NRG4: variants seen among roughly 807,000 people sequenced by gnomAD.
The protein encoded by NRG4 is neuregulin 4.
Under a neutral mutation model 15.0 loss-of-function variants are expected in NRG4, and 10 were observed. That is an observed-to-expected ratio of 0.67 (90% CI 0.41 to 1.13). NRG4 has a LOEUF of 1.13. Ranked by LOEUF, NRG4 falls within the 50% of genes most tolerant of loss-of-function variation. The pLI is 0.00. For synonymous variants in NRG4, 41 were observed against 50.1 expected (o/e 0.82, Z 0.77); for missense variants, 139 against 140.2 (o/e 0.99, Z 0.04).
In NRG4 at chr15:76,023,183, C is replaced by CACACACACACACAA. The variant is rs67858639; in HGVS notation, c.-56-11898_-56-11897insTTGTGTGTGTGTGT. 3.8e-3 allele frequency among the ~76,000 whole-genome samples: 426 copies of CACACACACACACAA among 112,472 alleles called. 1 individual carries two copies. Among genetic ancestry groups the CACACACACACACAA allele is most frequent in the Non-Finnish European group, 6.3e-3 (311 of 49,408 alleles). The allele number at this position is 112,472 out of a possible 152,430, so 73.8% of individuals were successfully genotyped here. On this transcript the variant is annotated intron_variant, in intron 5 of 8. Transcript: ENST00000563910. The stretch of plus-strand genomic sequence containing the variant: ...ACACACACACACACACACACACACA[C>CACACACACACACAA]AAGCAAGGACCAAGGCAATGAATAA...
At position 75,966,844 on chromosome 15, in the gene NRG4, C is replaced by T. The variant is rs568175908; in HGVS notation, c.105-4870G>A. 3.2e-4 allele frequency among the ~76,000 whole-genome samples: 49 copies of T among 152,198 alleles called. No individual in the cohort carries two copies. In the South Asian group the frequency reaches 8.7e-3, roughly 27 times the overall value. ...ATCCCTTTAATAAGTCAGCTGGGCGCGGTGGCTCACACCTGTAATTCCAGC... is the reference window on the plus strand; with the variant it reads ...ATCCCTTTAATAAGTCAGCTGGGCGTGGTGGCTCACACCTGTAATTCCAGC... On this transcript the variant is annotated intron_variant, in intron 3 of 5. Transcript: ENST00000394907.
rs533553595 is a variant in NRG4 at position 76,034,827 on chromosome 15, G to A, written c.-57+1117C>T. 8.5e-5 allele frequency among the ~76,000 whole-genome samples: 13 copies of A among 152,186 alleles called. No homozygotes were observed. In the East Asian group the frequency reaches 1.7e-3, roughly 20 times the overall value. ...GCTAAAGGCAGAATACTTCTATGGC[G>A]AACTGCATCCCCACCACCACCACTG... On this transcript the variant is annotated intron_variant, in intron 5 of 8. Coordinates refer to the NRG4 transcript ENST00000563910.
intron 3 of NRG4, among the ~76,000 whole-genome samples, chr15:75,980,078 TG>T (rs1218435479): frequency 6.6e-6 from 1 of 152,198 alleles, no homozygotes; most frequent in Non-Finnish European, 1.5e-5. Flanking sequence ...ATTTTTCACC[TG>T]ATAAGCTTTT....
intron 3 of NRG4, among the ~76,000 whole-genome samples, chr15:75,978,193 C>A (rs895542720): frequency 1.3e-5 from 2 of 152,122 alleles, no homozygotes; most frequent in Admixed American, 6.5e-5. Flanking sequence ...TTCATTTTCC[C>A]CACATCCACC....
intron 3 of NRG4, among the ~76,000 whole-genome samples, chr15:75,989,112 C>T (rs1218201709): frequency 6.6e-6 from 1 of 152,126 alleles, no homozygotes; most frequent in Admixed American, 6.6e-5. Context: ...CTCATCTTGG[C>T]TTCCCAAAGT....
intron 4 of NRG4, among the ~76,000 whole-genome samples, chr15:76,041,803 C>T (rs2035749376): frequency 6.6e-6 from 1 of 152,114 alleles, no homozygotes. Context: ...AAACATCAGA[C>T]TTAATCTGTA....
At chr15:75,966,349 T>G (rs1242992548) in intron 3 of NRG4, among the ~76,000 whole-genome samples, 1 of 152,238 alleles carries the variant, frequency 6.6e-6, no homozygotes, top group African/African-American at 2.4e-5. Flanking sequence ...GCTTGTTGGC[T>G]ATGTGATCTT....
At chr15:75,967,747 C>T (rs2032882139) in intron 3 of NRG4, among the ~76,000 whole-genome samples, 1 of 152,066 alleles carries the variant, frequency 6.6e-6, no homozygotes, top group Non-Finnish European at 1.5e-5. Flanking sequence ...CAGGTGTGAG[C>T]CAACGTGCCT....
rs1289592274 is a variant in NRG4 at position 75,941,837 on chromosome 15, CTG to C, written c.*1799_*1800del. 2 of 148,936 alleles carry C rather than the reference CTG, an allele frequency of 1.3e-5. No individual in the cohort carries two copies. The highest frequency in any genetic ancestry group is 5.0e-5 in the African/African-American group (2 of 40,368). The allele number at this position is 148,936 out of a possible 1,614,324, so 9.2% of individuals were successfully genotyped here. On this transcript the variant is annotated 3_prime_UTR_variant, in exon 6 of 6. Transcript: ENST00000394907. ...AAGTTCCGGAGGTGCATAGTGGTGA[CTG>C]GTACATACAACGAATGTATTTAATG...
At chr15:75,949,130 A>T (rs2031724217) in intron 5 of NRG4, among the ~76,000 whole-genome samples, 1 of 152,194 alleles carries the variant, frequency 6.6e-6, no homozygotes, top group African/African-American at 2.4e-5. Flanking sequence ...CCCATTGTAG[A>T]ATAAATCCAT....
intron 4 of NRG4, among the ~76,000 whole-genome samples, chr15:76,051,387 C>T (rs1043418677): frequency 2.0e-5 from 3 of 150,380 alleles, no homozygotes; most frequent in Non-Finnish European, 4.4e-5. Context: ...GCGATCCTCT[C>T]GCCTCAGCTT....
intron 4 of NRG4, among the ~76,000 whole-genome samples, chr15:76,051,737 TTTTTA>T (rs2036025277): frequency 6.7e-6 from 1 of 149,924 alleles, no homozygotes; most frequent in Non-Finnish European, 1.5e-5. Flanking sequence ...CTAATCTTTT[TTTTTA>T]TTTTATTTTT....
intron 5 of NRG4, among the ~76,000 whole-genome samples, chr15:75,951,534 T>C (rs2031904475): frequency 6.6e-6 from 1 of 152,228 alleles, no homozygotes; most frequent in African/African-American, 2.4e-5. Flanking sequence ...TAATGTATAT[T>C]TCTTGCAGAT....
intron 5 of NRG4, among the ~76,000 whole-genome samples, chr15:76,031,282 G>A (rs191898805): frequency 1.3e-5 from 2 of 152,248 alleles, no homozygotes; most frequent in Middle Eastern, 3.4e-3. Context: ...AATATTGAAA[G>A]CCTTTCCCCT....
intron 3 of NRG4, among the ~76,000 whole-genome samples, chr15:76,005,164 A>G (rs2034551514): frequency 6.6e-6 from 1 of 152,072 alleles, no homozygotes; most frequent in African/African-American, 2.4e-5. Context: ...ACTTAAGGCC[A>G]GGAGTTTGAT....
intron 3 of NRG4, among the ~76,000 whole-genome samples, chr15:75,984,845 T>G (rs1419601870): frequency 6.6e-6 from 1 of 152,104 alleles, no homozygotes; most frequent in Non-Finnish European, 1.5e-5. Flanking sequence ...TTTGTTTTGT[T>G]TTGTTTTGTT....
At chr15:76,036,742 T>A (rs370850977) in intron 4 of NRG4, among the ~76,000 whole-genome samples, 9 of 152,214 alleles carry the variant, frequency 5.9e-5, no homozygotes, top group African/African-American at 1.9e-4. Flanking sequence ...TCATCACTCT[T>A]AATTGGGAAA....
intron 3 of NRG4, among the ~76,000 whole-genome samples, chr15:76,004,883 TA>T (rs2034542890): frequency 6.6e-6 from 1 of 152,126 alleles, no homozygotes; most frequent in South Asian, 2.1e-4. Flanking sequence ...ATATAGGGGT[TA>T]GGGGCACCAA....
At chr15:75,986,593 G>T (rs1453414629) in intron 3 of NRG4, among the ~76,000 whole-genome samples, 1 of 152,088 alleles carries the variant, frequency 6.6e-6, no homozygotes, top group Non-Finnish European at 1.5e-5. Context: ...GTTGGTATTG[G>T]CTTATATATG....
Sources: allele counts gnomAD v4.1 joint callset (sites outside exome capture counted in the v4.1 genomes callset), GRCh38; gene constraint gnomAD v4.1.1; transcripts MANE v1.5; gene names NCBI Gene and HGNC (gene_info 2026-07-23, HGNC 2026-07-21).